PDE7A: variants seen among roughly 807,000 people sequenced by gnomAD.
PDE7A encodes phosphodiesterase 7A.
Under a neutral mutation model 64.3 loss-of-function variants are expected in PDE7A, and 39 were observed. The ratio of observed to expected loss-of-function variants is 0.61; its 90% confidence interval spans 0.47 to 0.79. The LOEUF (loss-of-function observed/expected upper bound fraction) is 0.79, where lower values mean the gene tolerates loss of function less well. Ranked by LOEUF, PDE7A falls within the 30% of genes least tolerant of loss-of-function variation. The pLI, the probability that PDE7A is intolerant of heterozygous loss-of-function variation, is 0.00. For synonymous variants in PDE7A, 203 were observed against 206.8 expected (o/e 0.98, Z 0.16); for missense variants, 470 against 582.8 (o/e 0.81, Z 1.99).
At chr8:65,736,230 G>C (rs1807122670) in intron 6 of PDE7A, among the ~76,000 whole-genome samples, 1 of 152,128 alleles carries the variant, frequency 6.6e-6, no homozygotes, top group African/African-American at 2.4e-5. Context: ...ATACCAACAT[G>C]GCTGATCTGA....
chr8:65,818,396 CTG>C (rs1810466042), intron 1 of PDE7A, among the ~76,000 whole-genome samples: 1 of 152,154 alleles, frequency 6.6e-6, no homozygotes, highest in African/African-American at 2.4e-5. Context: ...TATGTGGAAT[CTG>C]TCTCCTCTGT....
At chr8:65,826,728 C>T (rs1563522428) in intron 1 of PDE7A, among the ~76,000 whole-genome samples, 2 of 152,180 alleles carry the variant, frequency 1.3e-5, no homozygotes, top group Non-Finnish European at 2.9e-5. Flanking sequence ...GGGCTATTAA[C>T]ACAGTACCAC....
At chr8:65,757,313 G>T (rs1228263781) in intron 3 of PDE7A, among the ~76,000 whole-genome samples, 1 of 152,226 alleles carries the variant, frequency 6.6e-6, no homozygotes, top group African/African-American at 2.4e-5. Flanking sequence ...GGCTATGGAA[G>T]TTACAAGCCA....
At position 65,714,704 on chromosome 8, in the gene PDE7A, A is replaced by G. The variant is rs868694753; in HGVS notation, c.*4586T>C. 6.6e-6 allele frequency: 1 copy of G among 152,248 alleles called. No individual in the cohort carries two copies. The highest frequency in any genetic ancestry group is 1.5e-5 in the Non-Finnish European group (1 of 68,046). The allele number at this position is 152,248 out of a possible 1,614,324, so 9.4% of individuals were successfully genotyped here. A position where few individuals can be genotyped will look rare whatever the true frequency, so the allele number is the denominator to read the frequency against. ...AGGGGATTTTAAACAACATTTATAC[A>G]TTAAAATATTTATACATGCTTGAAA... is the stretch of plus-strand genomic sequence containing the variant. On this transcript the variant is annotated 3_prime_UTR_variant, in exon 13 of 13. Coordinates refer to ENST00000401827, the MANE Select transcript of PDE7A (RefSeq NM_001242318.3).
At chr8:65,819,266 C>G (rs1348748322) in intron 1 of PDE7A, among the ~76,000 whole-genome samples, 1 of 152,170 alleles carries the variant, frequency 6.6e-6, no homozygotes, top group Non-Finnish European at 1.5e-5. Flanking sequence ...GGTGTGGTGG[C>G]ACATGCCTGT....
rs1811001507 is a variant in PDE7A, at chr8:65,838,455, A to C, written c.138+2916T>G. 3 of 152,212 alleles carry C rather than the reference A, an allele frequency of 2.0e-5. No individual in the cohort carries two copies. The South Asian group carries it at 6.2e-4, about 32-fold the overall frequency. 9.4% of individuals were successfully genotyped at this position (152,212 alleles called of 1,614,324 possible). ...AGTATACATCCTAGTTTAAAACAAA[A>C]AATTAATGCCTCATTTACTTGGCAT... On this transcript the variant is annotated intron_variant, in intron 1 of 12. Transcript: ENST00000401827.
chr8:65,735,944 T>C (rs1807111599), intron 6 of PDE7A, among the ~76,000 whole-genome samples: 1 of 152,164 alleles, frequency 6.6e-6, no homozygotes, highest in African/African-American at 2.4e-5. Flanking sequence ...TTATAATTTA[T>C]ATTTTTAGTA....
chr8:65,794,683 A>G (rs2128926769), intron 1 of PDE7A, among the ~76,000 whole-genome samples: 1 of 152,324 alleles, frequency 6.6e-6, no homozygotes, highest in East Asian at 1.9e-4. Flanking sequence ...TCATCTCCAC[A>G]TATAACATTG....
At chr8:65,745,310 C>T (rs767001063) in intron 5 of PDE7A, 97 bp downstream of exon 5, 3 of 768,576 alleles carry the variant, frequency 3.9e-6, no homozygotes, top group Non-Finnish European at 7.1e-6. Flanking sequence ...GGGCTAACAA[C>T]CTTAGTACAG....
At chr8:65,771,413 T>C (rs933427096) in intron 3 of PDE7A, among the ~76,000 whole-genome samples, 1 of 151,990 alleles carries the variant, frequency 6.6e-6, no homozygotes, top group Non-Finnish European at 1.5e-5. Context: ...ATACAGCACA[T>C]AGAAGAAATT....
At chr8:65,829,999 G>C (rs1318367281) in intron 1 of PDE7A, among the ~76,000 whole-genome samples, 3 of 152,052 alleles carry the variant, frequency 2.0e-5, no homozygotes, top group Non-Finnish European at 4.4e-5. Flanking sequence ...CATCTGTACA[G>C]TTTTCTAGAA....
At chr8:65,778,158 T>A (rs1563503753) in intron 3 of PDE7A, among the ~76,000 whole-genome samples, 1 of 152,218 alleles carries the variant, frequency 6.6e-6, no homozygotes, top group Non-Finnish European at 1.5e-5. Flanking sequence ...GCAAGCTGTG[T>A]GACACAGCTC....
chr8:65,805,392 G>A (rs1810086769), intron 1 of PDE7A, among the ~76,000 whole-genome samples: 1 of 152,164 alleles, frequency 6.6e-6, no homozygotes, highest in South Asian at 2.1e-4. Flanking sequence ...AAGTAGTCAA[G>A]TAAACATTTA....
intron 1 of PDE7A, among the ~76,000 whole-genome samples, chr8:65,785,949 T>C (rs1809545414): frequency 6.6e-6 from 1 of 152,200 alleles, no homozygotes; most frequent in Non-Finnish European, 1.5e-5. Flanking sequence ...ATTAGCTCTC[T>C]GTTAAATATC....
chr8:65,809,508 G>A (rs1370757205), intron 1 of PDE7A, among the ~76,000 whole-genome samples: 1 of 152,192 alleles, frequency 6.6e-6, no homozygotes, highest in Admixed American at 6.5e-5. Context: ...GAAAGCTATA[G>A]ATTGATTTCC....
At chr8:65,734,980 T>G in intron 6 of PDE7A, 86 bp from the exon 7 acceptor site, 5 of 814,730 alleles carry the variant, frequency 6.1e-6, no homozygotes, top group Non-Finnish European at 8.5e-6. Context: ...AGTTACCCAC[T>G]CATACTTTTC....
intron 1 of PDE7A, among the ~76,000 whole-genome samples, chr8:65,804,531 ATTTTGTTGC>A (rs1810067978): frequency 7.1e-6 from 1 of 140,232 alleles, no homozygotes; most frequent in South Asian, 2.2e-4. Flanking sequence ...TGAAAGTTTC[ATTTTGTTGC>A]TTTTTTTTTT....
intron 1 of PDE7A, 148 bp from the exon 2 acceptor site, chr8:65,782,991 T>C: frequency 1.7e-6 from 1 of 596,014 alleles, no homozygotes. Context: ...TGGTACCTGT[T>C]CTTGAAATCT....
chr8:65,840,956 C>G (rs1415063940), intron 1 of PDE7A, among the ~76,000 whole-genome samples: 2 of 152,304 alleles, frequency 1.3e-5, no homozygotes, highest in East Asian at 3.9e-4. Context: ...AGGAGAGGCG[C>G]GAACCCCGTA....
Sources: gnomAD v4.1 joint callset for allele counts (sites outside exome capture counted in the v4.1 genomes callset) on GRCh38, gnomAD v4.1.1 for gene constraint, MANE v1.5 for transcripts, NCBI Gene and HGNC (gene_info 2026-07-23, HGNC 2026-07-21) for gene names.